PRDM10: variants seen among roughly 807,000 people sequenced by gnomAD.
The protein encoded by PRDM10 is PR domain zinc finger protein 10.
PRDM10 carries 65 observed loss-of-function variants against 133.1 expected under a neutral mutation model. The ratio of observed to expected loss-of-function variants is 0.49; its 90% CI spans 0.40 to 0.60. PRDM10 has a LOEUF of 0.60. PRDM10 is among the 20% of genes least tolerant of loss of function. The pLI is 0.00. For missense variants in PRDM10, 1,137 were observed against 1,507.1 expected, an observed-to-expected ratio of 0.75 and a Z score of 4.07; for synonymous variants, 582 against 580.4, an observed-to-expected ratio of 1.00 and a Z score of -0.04.
chr11:129,942,607 C>T lies in PRDM10; in HGVS notation c.785G>A (p.Arg262Lys). Residue 262 changes from arginine (R) to lysine (K), a missense_variant, in exon 7 of 21, where the codon AGG becomes AAG. Physicochemically the swap from Arg to Lys is conservative, Grantham distance 26. This residue lies in a region of PRDM10 where 635 missense variants were observed against 835.2 expected (regional missense o/e 0.76). Coordinates refer to ENST00000360871, the MANE Select transcript of PRDM10 (RefSeq NM_199437.2). ...HLKVSLDKGD[R>K]KERDLHEDLW... ...GTCTTCATGTAAATCCCTTTCTTTC[C>T]TGTCCCCTTTATCAAGAGAAACCTG... The T allele has an allele frequency of 1.2e-6, 2 of 1,613,922 alleles. No homozygotes were observed. The highest frequency in any genetic ancestry group is 1.7e-6 in the Non-Finnish European group (2 of 1,179,956).
intron 4 of PRDM10, among the ~76,000 whole-genome samples, chr11:129,952,535 C>CT (rs1296695929): frequency 2.6e-5 from 4 of 151,934 alleles, no homozygotes; most frequent in African/African-American, 9.7e-5. Flanking sequence ...CAATCAACAT[C>CT]TTTTCTTTTA....
intron 4 of PRDM10, among the ~76,000 whole-genome samples, chr11:129,948,885 A>G (rs1591650834): frequency 6.6e-6 from 1 of 152,252 alleles, no homozygotes; most frequent in Non-Finnish European, 1.5e-5. Context: ...CTGAACTTGC[A>G]GATAACTAAA....
chr11:129,968,691 G>C (rs1194526547), intron 1 of PRDM10, among the ~76,000 whole-genome samples: 1 of 150,762 alleles, frequency 6.6e-6, no homozygotes, highest in African/African-American at 2.4e-5. Flanking sequence ...CCAGGACGTA[G>C]GACTCAGGAG....
Position 129,925,158 on chromosome 11 carries a change from G to C in PRDM10, c.1602C>G (p.Ala534=), listed in dbSNP as rs1417213510. 1 of 1,614,188 alleles carries C rather than the reference G, an allele frequency of 6.2e-7. No individual in the cohort carries two copies. The highest frequency in any genetic ancestry group is 1.7e-5 in the Admixed American group (1 of 60,022). Residue 534 remains alanine, a synonymous_variant, in exon 12 of 21, where the codon GCC becomes GCG. Transcript: ENST00000360871. ...GGTCCAGTTTGTCCTTTTCCCGGAAGGCCTTCCCACACTGCAAGCATTTAA... is the reference window on the plus strand; with the variant it reads ...GGTCCAGTTTGTCCTTTTCCCGGAACGCCTTCCCACACTGCAAGCATTTAA... ...RPFKCLQCGK[A]FREKDKLDQH...
At chr11:129,924,020 G>T (rs1950602297) in intron 12 of PRDM10, among the ~76,000 whole-genome samples, 1 of 152,208 alleles carries the variant, frequency 6.6e-6, no homozygotes. Flanking sequence ...GATAAATAAA[G>T]GAATAGGGCT....
intron 6 of PRDM10, 152 bp downstream of exon 6, chr11:129,944,619 T>C: frequency 8.6e-7 from 1 of 1,164,048 alleles, no homozygotes; most frequent in Non-Finnish European, 1.2e-6. Flanking sequence ...CTCCATCTTA[T>C]TAGTGAGTTT....
chr11:129,925,268 A>C, intron 11 of PRDM10, 39 bp from the exon 12 acceptor site: 1 of 1,535,106 alleles, frequency 6.5e-7, no homozygotes, highest in East Asian at 2.3e-5. Context: ...TAGTGATGAA[A>C]TTAAGAGTGC....
In PRDM10 at chr11:130,002,835, T is replaced by A. The variant is rs184891904; in HGVS notation, c.-232A>T. On this transcript the variant is annotated 5_prime_UTR_variant, in exon 1 of 21. Transcript: ENST00000360871. ...CCAGGTGGTTCTTCCCGCCGCAGAG[T>A]GGGAGCAGCATAAAAGGCGGGGTCT... 3.6e-5 allele frequency: 7 copies of A among 193,492 alleles called. No homozygotes were observed. The highest frequency in any genetic ancestry group is 1.3e-4 in the Admixed American group (2 of 15,778). The allele number at this position is 193,492 out of a possible 1,614,324, so 12.0% of individuals were successfully genotyped here.
chr11:129,969,592 G>C (rs879415022), intron 1 of PRDM10, among the ~76,000 whole-genome samples: 1 of 150,004 alleles, frequency 6.7e-6, no homozygotes, highest in Non-Finnish European at 1.5e-5. Context: ...AGAGTAGTTC[G>C]AGACCAGCCT....
At chr11:129,929,710 C>T (rs1034162039) in intron 11 of PRDM10, among the ~76,000 whole-genome samples, 1 of 150,790 alleles carries the variant, frequency 6.6e-6, no homozygotes, top group African/African-American at 2.4e-5. Context: ...GTTTGTGCAT[C>T]CACAACTTCA....
Position 129,912,162 on chromosome 11 carries a change from G to C in PRDM10, c.2905C>G (p.Pro969Ala). The change falls in exon 18 of 21, where the codon CCC becomes GCC. Residue 969 changes from proline (P) to alanine (A), a missense_variant. By Grantham distance (27) the Pro-to-Ala change is conservative. Around this residue, in one of 6 missense-constraint regions of PRDM10, gnomAD observed 243 missense variants for 259.2 expected, o/e 0.94. Transcript: ENST00000360871. ...ACCTGGATGGCGTGCTGGGGGTAGGGCTGAGGATCATGGAGCTGGCCAACA... is the reference window on the plus strand; with the variant it reads ...ACCTGGATGGCGTGCTGGGGGTAGGCCTGAGGATCATGGAGCTGGCCAACA... ...VDVGQLHDPQPYPQHAIQVQH... is the reference protein window; with the variant it reads ...VDVGQLHDPQAYPQHAIQVQH... The C allele has an allele frequency of 6.8e-6, 11 of 1,612,550 alleles. No individual in the cohort carries two copies. The highest frequency in any genetic ancestry group is 9.3e-6 in the Non-Finnish European group (11 of 1,179,186).
At chr11:129,975,047 G>A (rs932838115) in intron 1 of PRDM10, among the ~76,000 whole-genome samples, 1 of 152,182 alleles carries the variant, frequency 6.6e-6, no homozygotes, top group African/African-American at 2.4e-5. Context: ...TGTTCAATGG[G>A]GATGGAGTTT....
intron 1 of PRDM10, among the ~76,000 whole-genome samples, chr11:129,963,880 T>G (rs1475919732): frequency 1.3e-5 from 2 of 152,204 alleles, no homozygotes. Context: ...TGGCCTGGGA[T>G]GCAATCCGGT....
intron 1 of PRDM10, among the ~76,000 whole-genome samples, chr11:129,964,493 CA>C (rs1451916617): frequency 1.3e-5 from 2 of 152,190 alleles, no homozygotes; most frequent in African/African-American, 4.8e-5. Flanking sequence ...TGCATACACA[CA>C]AGCATACATA....
Position 129,914,944 on chromosome 11 carries a change from C to T in PRDM10, c.2601G>A (p.Leu867=). 1 of 1,614,104 alleles carries T rather than the reference C, an allele frequency of 6.2e-7. No homozygotes were observed. The highest frequency in any genetic ancestry group is 2.2e-5 in the East Asian group (1 of 44,876). Residue 867 remains leucine, a synonymous_variant, in exon 17 of 21, where the codon CTG becomes CTA. Coordinates refer to ENST00000360871, the MANE Select transcript of PRDM10 (RefSeq NM_199437.2). ...AQLSNTIHTP[L]TTAVISATPA... ...GGGTGGCACTGATCACAGCTGTCGT[C>T]AGTGGTGTGTGTATGGTGTTGGAGA... is the stretch of plus-strand genomic sequence containing the variant.
At position 129,918,442 on chromosome 11, in the gene PRDM10, T is replaced by C; in HGVS notation, c.2214+97A>G. On this transcript the variant is annotated intron_variant, in intron 14 of 20. Coordinates refer to ENST00000360871, the MANE Select transcript of PRDM10 (RefSeq NM_199437.2). This position sits in a 1 kb window ranked among gnomAD's most constrained non-coding sequence, Gnocchi z 5.3. The stretch of plus-strand genomic sequence containing the variant: ...GGACATTGACAAAACCATTGATCGA[T>C]ATAACTTAGGACACAATGCAACACA... 1 of 1,391,398 alleles carries C rather than the reference T, an allele frequency of 7.2e-7. No individual in the cohort carries two copies. The highest frequency in any genetic ancestry group is 9.6e-7 in the Non-Finnish European group (1 of 1,042,514). 86.2% of individuals were successfully genotyped at this position (1,391,398 alleles called of 1,614,324 possible).
At chr11:129,986,485 G>A (rs887953293) in intron 1 of PRDM10, among the ~76,000 whole-genome samples, 1 of 152,148 alleles carries the variant, frequency 6.6e-6, no homozygotes, top group Non-Finnish European at 1.5e-5. Context: ...TGCCTCCCAG[G>A]TTCAAGCAAT....
Position 129,905,743 on chromosome 11 carries a change from T to C in PRDM10, c.3164-2A>G, listed in dbSNP as rs1359911366. 6.2e-7 allele frequency: 1 copy of C among 1,612,188 alleles called. No individual in the cohort carries two copies. Among genetic ancestry groups the C allele is most frequent in the Non-Finnish European group, 8.5e-7 (1 of 1,178,320 alleles). ...GCGTCATCATTTGAATCTCAGATGC[T>C]AAAAAACAGGAAATATTCATAGTTC... On this transcript the variant is annotated splice_acceptor_variant, in intron 19 of 20. Transcript: ENST00000360871. LOFTEE classifies it high-confidence loss of function.
chr11:129,935,201 T>C lies in PRDM10; in HGVS notation c.1057A>G (p.Lys353Glu). The C allele has an allele frequency of 6.2e-7, 1 of 1,613,714 alleles. No homozygotes were observed. The highest frequency in any genetic ancestry group is 1.1e-5 in the South Asian group (1 of 91,068). The stretch of plus-strand genomic sequence containing the variant: ...TTACATTCATAGCAGGGCCAATTCT[T>C]CTCTTGCTCTCGAAGAACTACAGTC... ...EERKVLREQEKNWPCYECNRR... is the reference protein window; with the variant it reads ...EERKVLREQEENWPCYECNRR... The change falls in exon 9 of 21, where the codon AAG becomes GAG. Residue 353 changes from lysine (K) to glutamate (E), a missense_variant. Lys to Glu is a moderately conservative substitution (Grantham distance 56). Around this residue, in one of 6 missense-constraint regions of PRDM10, gnomAD observed 635 missense variants for 835.2 expected, o/e 0.76. Transcript: ENST00000360871.
Sources: gnomAD v4.1 joint callset for allele counts (sites outside exome capture counted in the v4.1 genomes callset) on GRCh38, gnomAD v4.1.1 for gene constraint, gnomAD v4.1.1 regional missense constraint, Gnocchi (gnomAD v3.1) non-coding constraint, MANE v1.5 for transcripts, NCBI Gene and HGNC (gene_info 2026-07-23, HGNC 2026-07-21) for gene names.